ORC5: variants seen among roughly 807,000 people sequenced by gnomAD.
ORC5 encodes the protein origin recognition complex subunit 5, also known as protein phosphatase 1, regulatory subunit 117.
In ORC5, 39 loss-of-function variants were observed where a neutral mutation model predicts 58.8. That is an observed-to-expected ratio of 0.66 (90% CI 0.51 to 0.87). The LOEUF is 0.87. Ranked by LOEUF, ORC5 falls within the 40% of genes least tolerant of loss-of-function variation. ORC5 has a pLI of 0.00. For missense variants in ORC5, 493 were observed against 506.3 expected (o/e 0.97, Z 0.25); for synonymous variants, 218 against 177.6 (o/e 1.23, Z -1.81).
chr7:104,156,761 A>G (rs1798934583), intron 12 of ORC5, among the ~76,000 whole-genome samples: 1 of 151,934 alleles, frequency 6.6e-6, no homozygotes, highest in Non-Finnish European at 1.5e-5. Context: ...ACCTCCAGGT[A>G]CGAAATATAA....
At chr7:104,169,492 C>T (rs942695917) in intron 8 of ORC5, among the ~76,000 whole-genome samples, 15 of 151,162 alleles carry the variant, frequency 9.9e-5, no homozygotes, top group Middle Eastern at 3.4e-3. Context: ...TGCATGACTT[C>T]GAAAAAATGA....
At chr7:104,163,696 T>G (rs1312988054) in intron 11 of ORC5, among the ~76,000 whole-genome samples, 1 of 152,130 alleles carries the variant, frequency 6.6e-6, no homozygotes, top group East Asian at 1.9e-4. Flanking sequence ...TTTCACCATG[T>G]TAGCCAGAAT....
At chr7:104,204,335 A>C in intron 1 of ORC5, 101 bp from the exon 2 acceptor site, 1 of 712,248 alleles carries the variant, frequency 1.4e-6, no homozygotes, top group East Asian at 2.7e-5. Flanking sequence ...GAAATATTCA[A>C]TCCAAATTCC....
chr7:104,134,230 C>T (rs1372250992), intron 13 of ORC5, among the ~76,000 whole-genome samples: 2 of 151,754 alleles, frequency 1.3e-5, no homozygotes, highest in African/African-American at 4.8e-5. Context: ...CAAGACCAGC[C>T]TGGCCAACAT....
At chr7:104,132,564 A>G (rs1798529464) in intron 13 of ORC5, among the ~76,000 whole-genome samples, 1 of 152,110 alleles carries the variant, frequency 6.6e-6, no homozygotes, top group African/African-American at 2.4e-5. Context: ...GCTGTCCCCA[A>G]AAACAAATTC....
At chr7:104,172,151 C>T (rs1452097211) in intron 8 of ORC5, among the ~76,000 whole-genome samples, 1 of 152,188 alleles carries the variant, frequency 6.6e-6, no homozygotes, top group Non-Finnish European at 1.5e-5. Flanking sequence ...TTGTAGCAAT[C>T]TCTAACTCCT....
intron 2 of ORC5, among the ~76,000 whole-genome samples, chr7:104,201,627 TAAAAAAAAA>T (rs59970161): frequency 7.6e-6 from 1 of 131,400 alleles, no homozygotes; most frequent in Non-Finnish European, 1.6e-5. Context: ...CTGTCACTAT[TAAAAAAAAA>T]AAAAAAAGAA....
chr7:104,204,285 A>T (rs750333241), intron 1 of ORC5, 51 bp from the exon 2 acceptor site: 1 of 994,292 alleles, frequency 1.0e-6, no homozygotes, highest in Non-Finnish European at 1.5e-6. Context: ...ATAGAAAATA[A>T]ACACTTATCA....
rs194849 is a variant in ORC5 at position 104,136,345 on chromosome 7, G to A, written c.1262+436C>T. On this transcript the variant is annotated intron_variant, in intron 13 of 13. Transcript: ENST00000297431. This position sits in a 1 kb window ranked among gnomAD's most constrained non-coding sequence, Gnocchi z 4.2. ...CTAGATTTGATCTGCCTGTGACAAC[G>A]CACAGTAGAATGATTATGTCCCCTG... Among the ~76,000 whole-genome samples the A allele has an allele frequency of 0.61, 92,537 of 151,638 alleles. 30,265 individuals carry two copies. The highest frequency in any genetic ancestry group is 0.85 in the African/African-American group (34,950 of 41,356).
intron 11 of ORC5, among the ~76,000 whole-genome samples, chr7:104,163,916 T>A (rs79536689): frequency 0.044 from 6,772 of 152,298 alleles, 497 homozygotes; most frequent in African/African-American, 0.15. Context: ...CTACATTATC[T>A]CCAGCACTTG....
intron 1 of ORC5, 43 bp from the exon 2 acceptor site, chr7:104,204,277 A>G: frequency 9.0e-7 from 1 of 1,116,304 alleles, no homozygotes; most frequent in Non-Finnish European, 1.3e-6. Context: ...CATACAAAAT[A>G]GAAAATAAAC....
intron 4 of ORC5, 72 bp from the exon 5 acceptor site, chr7:104,195,326 T>C (rs1054826221): frequency 6.5e-5 from 53 of 819,438 alleles, no homozygotes; most frequent in Admixed American, 1.5e-4. Context: ...CCATTTGGAT[T>C]TTTCTTTCAA....
chr7:104,141,180 T>C (rs1031718052), intron 12 of ORC5, among the ~76,000 whole-genome samples: 1 of 152,082 alleles, frequency 6.6e-6, no homozygotes, highest in Admixed American at 6.6e-5. Flanking sequence ...TGCAAAATAG[T>C]CATAAAGGGA....
intron 5 of ORC5, among the ~76,000 whole-genome samples, chr7:104,190,896 T>G (rs1244143338): frequency 1.3e-5 from 2 of 152,126 alleles, no homozygotes; most frequent in East Asian, 3.9e-4. Flanking sequence ...TAACCACTCT[T>G]GTGCCTGCCA....
At position 104,138,039 on chromosome 7, in the gene ORC5, G is replaced by A. The variant is rs143044467; in HGVS notation, c.1150-1146C>T. ...AGCATTCATCCCTAGATGCGGCCGTGAGATTGGAGCCCCACAACCTGCCCG... is the reference window on the plus strand; with the variant it reads ...AGCATTCATCCCTAGATGCGGCCGTAAGATTGGAGCCCCACAACCTGCCCG... On this transcript the variant is annotated intron_variant, in intron 12 of 13. Transcript: ENST00000297431. The surrounding 1 kb of genome is among the most constrained non-coding windows in gnomAD (Gnocchi z 4.7). Among the ~76,000 whole-genome samples, 96 of 152,312 alleles carry A rather than the reference G, an allele frequency of 6.3e-4. No homozygotes were observed. Among genetic ancestry groups the A allele is most frequent in the African/African-American group, 2.2e-3 (92 of 41,578 alleles).
At chr7:104,143,157 T>A (rs985756148) in intron 12 of ORC5, among the ~76,000 whole-genome samples, 1 of 135,692 alleles carries the variant, frequency 7.4e-6, no homozygotes, top group African/African-American at 3.6e-5. Context: ...CCTTAGTACT[T>A]TTTTTTTAAT....
chr7:104,195,285 G>A (rs770071732), intron 4 of ORC5, 31 bp from the exon 5 acceptor site: 4 of 1,249,238 alleles, frequency 3.2e-6, no homozygotes, highest in South Asian at 2.9e-5. Context: ...AAGTAACTTC[G>A]CATTTAAAAA....
At chr7:104,196,858 T>G (rs1334184664) in intron 4 of ORC5, among the ~76,000 whole-genome samples, 3 of 152,208 alleles carry the variant, frequency 2.0e-5, no homozygotes, top group African/African-American at 7.2e-5. Flanking sequence ...AGTATTGTTT[T>G]GCTCAAACTA....
Position 104,184,048 on chromosome 7 carries a change from A to G in ORC5, c.734-15T>C, listed in dbSNP as rs1477855677. 1 of 1,601,450 alleles carries G rather than the reference A, an allele frequency of 6.2e-7. No individual in the cohort carries two copies. The stretch of plus-strand genomic sequence containing the variant: ...ACGTTCACTTGCTACCCCAAAGGGA[A>G]GAAAATTTCAGTAATTTATATCTTG... On this transcript the variant is annotated splice_polypyrimidine_tract_variant and intron_variant, in intron 7 of 13. Transcript: ENST00000297431.
Sources: allele counts gnomAD v4.1 joint callset (sites outside exome capture counted in the v4.1 genomes callset), GRCh38; gene constraint gnomAD v4.1.1; non-coding constraint Gnocchi (gnomAD v3.1); transcripts MANE v1.5; gene names NCBI Gene and HGNC (gene_info 2026-07-23, HGNC 2026-07-21).